CNTNAP2: variants seen among roughly 807,000 people sequenced by gnomAD.
The protein encoded by CNTNAP2 is contactin associated protein 2.
CNTNAP2 carries 98 observed loss-of-function variants against 155.2 expected under a neutral mutation model. The ratio of observed to expected loss-of-function variants is 0.63; its 90% CI spans 0.54 to 0.75. The LOEUF (loss-of-function observed/expected upper bound fraction) is 0.75. Ranked by LOEUF, CNTNAP2 falls within the 30% of genes least tolerant of loss-of-function variation. CNTNAP2 has a pLI of 0.00. For missense variants in CNTNAP2, 1,727 were observed against 1,688.1 expected (o/e 1.02, Z -0.40); for synonymous variants, 651 against 631.2 (o/e 1.03, Z -0.47).
chr7:148,150,502 C>T (rs889065137), intron 17 of CNTNAP2, among the ~76,000 whole-genome samples: 2 of 151,932 alleles, frequency 1.3e-5, no homozygotes, highest in South Asian at 2.1e-4. Context: ...GAGCCGAGAT[C>T]GCGCCACTGT....
intron 15 of CNTNAP2, 138 bp downstream of exon 15, chr7:147,978,127 A>G: frequency 8.1e-7 from 1 of 1,228,662 alleles, no homozygotes; most frequent in Non-Finnish European, 1.1e-6. Context: ...AAGCAGAGAT[A>G]ACTTAGAGGA....
chr7:146,505,605 C>A (rs1481014968), intron 1 of CNTNAP2, among the ~76,000 whole-genome samples: 1 of 152,310 alleles, frequency 6.6e-6, no homozygotes, highest in East Asian at 1.9e-4. Context: ...TATTAAGTAC[C>A]CAATGAGTGA....
At position 147,300,289 on chromosome 7, in the gene CNTNAP2, A is replaced by G; in HGVS notation, c.1497A>G (p.Gly499=). The G allele has an allele frequency of 1.9e-6, 3 of 1,613,710 alleles. No individual in the cohort carries two copies. The highest frequency in any genetic ancestry group is 1.3e-5 in the African/African-American group (1 of 74,986). The stretch of plus-strand genomic sequence containing the variant: ...AAACTGGCGAGAAGTACTTTTTTGG[A>G]GGTAAGAATGCCATTCCTTTTTGGT... ...QVKTGEKYFF[G]GFLNQMNNSS... Residue 499 remains glycine, a splice_region_variant and synonymous_variant, in exon 9 of 24, where the codon GGA becomes GGG. Coordinates refer to ENST00000361727, the MANE Select transcript of CNTNAP2 (RefSeq NM_014141.6).
intron 1 of CNTNAP2, among the ~76,000 whole-genome samples, chr7:146,246,801 C>A (rs533008608): frequency 6.6e-6 from 1 of 152,110 alleles, no homozygotes; most frequent in Non-Finnish European, 1.5e-5. Context: ...TCCTGGGCTG[C>A]AGGCATTCCT....
intron 1 of CNTNAP2, among the ~76,000 whole-genome samples, chr7:146,188,850 T>C (rs1798660773): frequency 6.6e-6 from 1 of 152,218 alleles, no homozygotes; most frequent in African/African-American, 2.4e-5. Flanking sequence ...TGGCTATTTC[T>C]AGGCCATATG....
chr7:148,237,055 C>G (rs145140969), intron 20 of CNTNAP2, among the ~76,000 whole-genome samples: 1 of 152,292 alleles, frequency 6.6e-6, no homozygotes, highest in African/African-American at 2.4e-5. Context: ...ACATACCATT[C>G]TTCCTCTGTC....
At chr7:148,105,227 G>A (rs535240172) in intron 15 of CNTNAP2, among the ~76,000 whole-genome samples, 1 of 152,182 alleles carries the variant, frequency 6.6e-6, no homozygotes, top group Non-Finnish European at 1.5e-5. Flanking sequence ...TCTGGAGGAG[G>A]TGGCATCTGA....
intron 9 of CNTNAP2, among the ~76,000 whole-genome samples, chr7:147,383,751 T>G (rs1198240461): frequency 1.3e-5 from 2 of 151,258 alleles, no homozygotes; most frequent in Non-Finnish European, 3.0e-5. Context: ...CAAACCTGCA[T>G]GTTCTGCACA....
chr7:147,575,738 T>C (rs969896459), intron 12 of CNTNAP2, among the ~76,000 whole-genome samples: 19 of 152,048 alleles, frequency 1.2e-4, no homozygotes, highest in African/African-American at 4.3e-4. Context: ...CAAATTTTAA[T>C]GTAAATTAAT....
chr7:146,404,300 G>T (rs183219830), intron 1 of CNTNAP2, among the ~76,000 whole-genome samples: 7 of 152,256 alleles, frequency 4.6e-5, no homozygotes, highest in Admixed American at 4.6e-4. Flanking sequence ...ACGCAGAGAA[G>T]CCAGTAGCAG....
intron 1 of CNTNAP2, among the ~76,000 whole-genome samples, chr7:146,715,856 T>C (rs949339289): frequency 1.3e-4 from 20 of 152,160 alleles, no homozygotes; most frequent in Non-Finnish European, 2.4e-4. Context: ...GCAGTCTATG[T>C]CATGTTCATC....
At chr7:147,908,915 A>G (rs1450584235) in intron 14 of CNTNAP2, among the ~76,000 whole-genome samples, 2 of 152,186 alleles carry the variant, frequency 1.3e-5, no homozygotes, top group African/African-American at 4.8e-5. Flanking sequence ...GATATTTCAC[A>G]TCTTTGTTTT....
intron 2 of CNTNAP2, among the ~76,000 whole-genome samples, chr7:146,790,501 G>A (rs748556843): frequency 2.0e-5 from 3 of 151,688 alleles, no homozygotes; most frequent in Non-Finnish European, 2.9e-5. Flanking sequence ...TTTTAGGGAT[G>A]TTTATTGGAT....
At chr7:146,792,721 G>C (rs918723993) in intron 2 of CNTNAP2, among the ~76,000 whole-genome samples, 1 of 152,212 alleles carries the variant, frequency 6.6e-6, no homozygotes, top group Non-Finnish European at 1.5e-5. Flanking sequence ...ACAAGGCACT[G>C]TTGGTCTGAA....
intron 1 of CNTNAP2, among the ~76,000 whole-genome samples, chr7:146,679,350 T>TTC (rs941605545): frequency 2.1e-5 from 3 of 142,334 alleles, no homozygotes; most frequent in South Asian, 2.4e-4. Flanking sequence ...CTTGTTTCTT[T>TTC]TTTTTTTTTT....
At chr7:146,323,433 C>G (rs1801040455) in intron 1 of CNTNAP2, among the ~76,000 whole-genome samples, 1 of 151,880 alleles carries the variant, frequency 6.6e-6, no homozygotes, top group Non-Finnish European at 1.5e-5. Context: ...GGCTACAGTA[C>G]TGATTTTGAC....
chr7:146,649,497 A>C (rs937677416), intron 1 of CNTNAP2, among the ~76,000 whole-genome samples: 5 of 152,200 alleles, frequency 3.3e-5, no homozygotes, highest in Non-Finnish European at 7.4e-5. Context: ...AAATGAAAAC[A>C]TGAGTTTTTC....
chr7:147,550,867 T>C (rs1217106448), intron 11 of CNTNAP2, among the ~76,000 whole-genome samples: 4 of 152,182 alleles, frequency 2.6e-5, no homozygotes, highest in Non-Finnish European at 5.9e-5. Flanking sequence ...CATATAGATA[T>C]AGTATATACG....
chr7:147,091,557 T>G (rs945662738), intron 4 of CNTNAP2, among the ~76,000 whole-genome samples: 1 of 151,970 alleles, frequency 6.6e-6, no homozygotes, highest in Admixed American at 6.6e-5. Context: ...GTTCAAAAGA[T>G]TCTCTTGCCT....
Sources: gnomAD v4.1 joint callset for allele counts (sites outside exome capture counted in the v4.1 genomes callset) on GRCh38, gnomAD v4.1.1 for gene constraint, MANE v1.5 for transcripts, NCBI Gene and HGNC (gene_info 2026-07-23, HGNC 2026-07-21) for gene names.